TSPEAR: variants seen among roughly 807,000 people sequenced by gnomAD.
TSPEAR encodes thrombospondin-type laminin G domain and EAR repeat-containing protein.
TSPEAR carries 69 observed loss-of-function variants against 71.6 expected under a neutral mutation model. The ratio of observed to expected loss-of-function variants is 0.96; its 90% CI spans 0.79 to 1.18. TSPEAR has a LOEUF of 1.18. Among genes scored for constraint, TSPEAR ranks in the 50% most tolerant of loss-of-function variants. The pLI is 0.00. For synonymous variants in TSPEAR, 402 were observed against 387.2 expected, an observed-to-expected ratio of 1.04 and a Z score of -0.45; for missense variants, 971 against 894.9, an observed-to-expected ratio of 1.09 and a Z score of -1.09.
intron 2 of TSPEAR, chr21:44,551,460 C>G: frequency 6.2e-7 from 1 of 1,604,970 alleles, no homozygotes; most frequent in South Asian, 1.1e-5. Context: ...GGCGGCCATG[C>G]TGGAGTGGGG....
chr21:44,545,103 A>G (rs1601395381), intron 2 of TSPEAR, among the ~76,000 whole-genome samples: 1 of 151,856 alleles, frequency 6.6e-6, no homozygotes. Flanking sequence ...GAGGATCACA[A>G]GGTCAGGAGA....
chr21:44,617,256 G>A (rs1436874661), intron 1 of TSPEAR, among the ~76,000 whole-genome samples: 3 of 152,250 alleles, frequency 2.0e-5, no homozygotes, highest in African/African-American at 7.2e-5. Context: ...AGCTGTCCCA[G>A]CGCTCAGGGA....
At chr21:44,624,218 C>T (rs1982628361) in intron 1 of TSPEAR, among the ~76,000 whole-genome samples, 1 of 152,148 alleles carries the variant, frequency 6.6e-6, no homozygotes, top group Non-Finnish European at 1.5e-5. Flanking sequence ...TTAATTTCAG[C>T]TATTATGTTC....
chr21:44,709,417 C>G (rs1988102288), intron 1 of TSPEAR, among the ~76,000 whole-genome samples: 1 of 152,264 alleles, frequency 6.6e-6, no homozygotes, highest in Non-Finnish European at 1.5e-5. Context: ...CTGAAAATCC[C>G]AGCCCACAAC....
chr21:44,579,186 G>T (rs2146097546), intron 1 of TSPEAR, among the ~76,000 whole-genome samples: 1 of 152,248 alleles, frequency 6.6e-6, no homozygotes, highest in South Asian at 2.1e-4. Context: ...TGGGACAGTG[G>T]GTGGGACAGT....
chr21:44,685,316 C>A (rs570748397), intron 1 of TSPEAR, among the ~76,000 whole-genome samples: 1 of 152,224 alleles, frequency 6.6e-6, no homozygotes, highest in Admixed American at 6.5e-5. Context: ...TGTGGCCAAT[C>A]CATCGAGAGA....
In TSPEAR at chr21:44,697,586, T is replaced by G. The variant is rs781850620; in HGVS notation, c.82+13847A>C. 2.5e-6 allele frequency: 4 copies of G among 1,611,698 alleles called. No individual in the cohort carries two copies. In the Admixed American group the frequency reaches 6.7e-5, roughly 27 times the overall value. ...TATGCCCGTCTGCTGTGGGCCTTCT[T>G]CTTCATGCTGCCAGCAGTCTAGCTG... On this transcript the variant is annotated intron_variant, in intron 1 of 11. Coordinates refer to ENST00000323084, the MANE Select transcript of TSPEAR (RefSeq NM_144991.3).
In TSPEAR at chr21:44,638,085, C is replaced by A. The variant is rs148314406; in HGVS notation, c.83-70080G>T. ...TCCTGCCAGCCCAGCTGCTGCCGCA[C>A]GGCCTCCTGTGTTTCCCTCCTCTGC... On this transcript the variant is annotated intron_variant, in intron 1 of 11. Transcript: ENST00000323084. 3.1e-6 allele frequency: 5 copies of A among 1,613,512 alleles called. No homozygotes were observed. In the Admixed American group the frequency reaches 6.7e-5, roughly 22 times the overall value.
chr21:44,679,328 T>C (rs587662187), intron 1 of TSPEAR, among the ~76,000 whole-genome samples: 1 of 152,142 alleles, frequency 6.6e-6, no homozygotes, highest in East Asian at 1.9e-4. Flanking sequence ...TACCTGGCAA[T>C]AAATATAACC....
At position 44,612,180 on chromosome 21, in the gene TSPEAR, T is replaced by A. The variant is rs1555931120; in HGVS notation, c.83-44175A>T. 2.4e-5 allele frequency: 38 copies of A among 1,614,022 alleles called. No individual in the cohort carries two copies. The highest frequency in any genetic ancestry group is 3.2e-5 in the Non-Finnish European group (38 of 1,180,002). ...GTCTGCTCCAGTGACGTGGGCCATG[T>A]CAGCCGAGTCTCCTCCCCCAGCACC... On this transcript the variant is annotated intron_variant, in intron 1 of 11. Coordinates refer to ENST00000323084, the MANE Select transcript of TSPEAR (RefSeq NM_144991.3). The surrounding 1 kb of genome is among the most constrained non-coding windows in gnomAD (Gnocchi z 4.1).
At chr21:44,681,926 C>A in intron 1 of TSPEAR, 2 of 1,614,080 alleles carry the variant, frequency 1.2e-6, no homozygotes, top group Non-Finnish European at 1.7e-6. Flanking sequence ...AGGAGGGAGC[C>A]GCATACACGA....
At chr21:44,509,580 C>T (rs1327293922) in intron 9 of TSPEAR, among the ~76,000 whole-genome samples, 194 bp from the exon 10 acceptor site, 3 of 151,064 alleles carry the variant, frequency 2.0e-5, no homozygotes, top group East Asian at 1.9e-4. Flanking sequence ...TGTGGGAGAG[C>T]GGGCGCAGAG....
At chr21:44,666,309 C>T (rs376861978) in intron 1 of TSPEAR, 9 of 1,089,510 alleles carry the variant, frequency 8.3e-6, no homozygotes, top group East Asian at 2.4e-5. Context: ...GTCACATTCT[C>T]AATCCAGAAT....
chr21:44,600,644 T>C lies in TSPEAR; in HGVS notation c.83-32639A>G. The C allele has an allele frequency of 1.2e-6, 2 of 1,613,728 alleles. No individual in the cohort carries two copies. Among genetic ancestry groups the C allele is most frequent in the South Asian group, 2.2e-5 (2 of 91,020 alleles). On this transcript the variant is annotated intron_variant, in intron 1 of 11. Coordinates refer to ENST00000323084, the MANE Select transcript of TSPEAR (RefSeq NM_144991.3). ...AGCATGGCTGCGTCCACTATGTCTG[T>C]CTGCTCCAGCGACCTGAGCTACGGC...
chr21:44,502,129 C>T (rs587742814), intron 11 of TSPEAR, among the ~76,000 whole-genome samples: 1 of 152,354 alleles, frequency 6.6e-6, no homozygotes, highest in South Asian at 2.1e-4. Context: ...ATGACATCAA[C>T]AGTAAACATA....
chr21:44,560,806 C>T (rs1401050929), intron 2 of TSPEAR, among the ~76,000 whole-genome samples: 4 of 152,106 alleles, frequency 2.6e-5, no homozygotes, highest in Non-Finnish European at 4.4e-5. Flanking sequence ...GACAATGTCC[C>T]AGAATCTCTG....
rs1555950776 is a variant in TSPEAR, at chr21:44,697,348, C to G, written c.82+14085G>C. The G allele has an allele frequency of 1.2e-6, 2 of 1,612,814 alleles. No individual in the cohort carries two copies. The highest frequency in any genetic ancestry group is 2.7e-5 in the African/African-American group (2 of 74,594). ...GCTGCGCCCCGGCCCCCTGCCTGAGCCTGGTCTGCACCCCAGTGAGCCGTG... is the reference window on the plus strand; with the variant it reads ...GCTGCGCCCCGGCCCCCTGCCTGAGGCTGGTCTGCACCCCAGTGAGCCGTG... On this transcript the variant is annotated intron_variant, in intron 1 of 11. Coordinates refer to ENST00000323084, the MANE Select transcript of TSPEAR (RefSeq NM_144991.3).
chr21:44,584,181 G>A (rs587745452), intron 1 of TSPEAR, among the ~76,000 whole-genome samples: 42 of 152,310 alleles, frequency 2.8e-4, no homozygotes, highest in African/African-American at 1.0e-3. Flanking sequence ...AGCGAGGTCT[G>A]CAGTATTTGT....
At chr21:44,655,166 C>T (rs1220315272) in intron 1 of TSPEAR, among the ~76,000 whole-genome samples, 4 of 152,300 alleles carry the variant, frequency 2.6e-5, no homozygotes, top group Admixed American at 6.5e-5. Flanking sequence ...TGCCAGCATT[C>T]GGGGTGGCCG....
Sources: gnomAD v4.1 joint callset for allele counts (sites outside exome capture counted in the v4.1 genomes callset) on GRCh38, gnomAD v4.1.1 for gene constraint, Gnocchi (gnomAD v3.1) non-coding constraint, MANE v1.5 for transcripts, NCBI Gene and HGNC (gene_info 2026-07-23, HGNC 2026-07-21) for gene names.